SHISA9: variants seen among roughly 807,000 people sequenced by gnomAD.
SHISA9 encodes the protein protein shisa-9.
A neutral mutation model predicts 38.0 loss-of-function variants in SHISA9; 13 were observed. The ratio of observed to expected loss-of-function variants is 0.34; its 90% CI spans 0.22 to 0.54. SHISA9 has a LOEUF of 0.54. Among genes scored for constraint, SHISA9 ranks in the 20% least tolerant of loss-of-function variants. The probability of loss-of-function intolerance (pLI) is 0.91; values close to 1 mark genes in which losing one functional copy is unlikely to be tolerated. For synonymous variants in SHISA9, 275 were observed against 242.0 expected (o/e 1.14, Z -1.27); for missense variants, 538 against 575.8 (o/e 0.93, Z 0.67).
chr16:13,456,346 C>T, the SHISA9 span, among the ~76,000 whole-genome samples: 2 of 152,164 alleles, frequency 1.3e-5, no homozygotes, highest in Non-Finnish European at 2.9e-5. Flanking sequence ...GCTGTATTTC[C>T]CCATTATTGC....
At chr16:13,337,251 A>G in the SHISA9 span, among the ~76,000 whole-genome samples, 2 of 151,994 alleles carry the variant, frequency 1.3e-5, no homozygotes, top group Non-Finnish European at 1.5e-5. Context: ...CCAGTGGGAG[A>G]TAATTGAATC....
intron 2 of SHISA9, among the ~76,000 whole-genome samples, chr16:12,974,063 T>G (rs74012204): frequency 4.7e-4 from 71 of 152,262 alleles, no homozygotes; most frequent in African/African-American, 1.6e-3. Context: ...GCCAGGATTC[T>G]TTGGTGGTAA....
intron 2 of SHISA9, among the ~76,000 whole-genome samples, chr16:13,002,637 A>G (rs2072540288): frequency 6.6e-6 from 1 of 151,096 alleles, no homozygotes; most frequent in South Asian, 2.1e-4. Context: ...GGCTCAAGCA[A>G]TTCTCCTGCC....
At chr16:13,483,615 C>T in the SHISA9 span, among the ~76,000 whole-genome samples, 1 of 152,006 alleles carries the variant, frequency 6.6e-6, no homozygotes, top group Non-Finnish European at 1.5e-5. Flanking sequence ...CTTTCCCCAG[C>T]CCTCCTCTCC....
intron 2 of SHISA9, among the ~76,000 whole-genome samples, chr16:13,123,578 T>C (rs887884593): frequency 1.3e-5 from 2 of 152,232 alleles, no homozygotes; most frequent in African/African-American, 4.8e-5. Flanking sequence ...ATTCTATCTT[T>C]GTGAAAACAA....
chr16:13,172,823 C>T (rs1343152330), intron 2 of SHISA9, among the ~76,000 whole-genome samples: 1 of 145,338 alleles, frequency 6.9e-6, no homozygotes, highest in Admixed American at 7.2e-5. Flanking sequence ...TTGTAATGAA[C>T]TGGTGATGAA....
intron 2 of SHISA9, among the ~76,000 whole-genome samples, chr16:13,069,049 C>T (rs1016301621): frequency 3.3e-5 from 5 of 149,386 alleles, no homozygotes; most frequent in African/African-American, 1.2e-4. Context: ...TGTGTACATG[C>T]AATGTGTATA....
intron 2 of SHISA9, among the ~76,000 whole-genome samples, chr16:13,082,715 G>A (rs891597655): frequency 6.6e-6 from 1 of 152,138 alleles, no homozygotes; most frequent in East Asian, 1.9e-4. Flanking sequence ...AAAGGAATGG[G>A]GAGAATGGAT....
chr16:13,371,603 C>A, the SHISA9 span, among the ~76,000 whole-genome samples: 4 of 152,274 alleles, frequency 2.6e-5, no homozygotes, highest in African/African-American at 9.6e-5. Flanking sequence ...TGAAACACTC[C>A]TAAGGAAGTT....
At chr16:12,977,910 C>G (rs1232015453) in intron 2 of SHISA9, among the ~76,000 whole-genome samples, 1 of 151,970 alleles carries the variant, frequency 6.6e-6, no homozygotes, top group Non-Finnish European at 1.5e-5. Context: ...GTACAGCAAA[C>G]CACCATGACA....
the SHISA9 span, among the ~76,000 whole-genome samples, chr16:13,358,064 A>G: frequency 6.6e-6 from 1 of 152,128 alleles, no homozygotes; most frequent in Admixed American, 6.5e-5. Flanking sequence ...GCCTGACAGT[A>G]TGCCTCTGTG....
chr16:13,260,741 C>T, the SHISA9 span, among the ~76,000 whole-genome samples: 1,428 of 152,262 alleles, frequency 9.4e-3, 21 homozygotes, highest in African/African-American at 0.032. Context: ...CCTGTTACTC[C>T]GTTCCAAAGT....
chr16:13,100,562 G>A (rs2141956699), intron 2 of SHISA9, among the ~76,000 whole-genome samples: 1 of 152,236 alleles, frequency 6.6e-6, no homozygotes, highest in East Asian at 1.9e-4. Flanking sequence ...CATATTCTGG[G>A]GCTGGCAATG....
the SHISA9 span, among the ~76,000 whole-genome samples, chr16:13,441,865 G>C: frequency 6.6e-6 from 1 of 152,176 alleles, no homozygotes; most frequent in Non-Finnish European, 1.5e-5. Context: ...ACTATGTGTG[G>C]GGCCGTAGCC....
chr16:13,208,217 A>T (rs1028299558), intron 3 of SHISA9, among the ~76,000 whole-genome samples: 1 of 151,986 alleles, frequency 6.6e-6, no homozygotes. Flanking sequence ...AAATAATTCT[A>T]CTCATTCTAG....
chr16:13,388,755 A>G, the SHISA9 span, among the ~76,000 whole-genome samples: 3 of 140,358 alleles, frequency 2.1e-5, no homozygotes, highest in African/African-American at 5.3e-5. Context: ...TCTATCCTCA[A>G]TGGTTTTAGA....
the SHISA9 span, among the ~76,000 whole-genome samples, chr16:13,366,826 T>C: frequency 2.0e-5 from 3 of 151,756 alleles, no homozygotes; most frequent in African/African-American, 7.3e-5. Context: ...CTACTAAAAA[T>C]ACAAAAATTA....
the SHISA9 span, among the ~76,000 whole-genome samples, chr16:13,408,645 G>A: frequency 1.4e-3 from 211 of 152,222 alleles, no homozygotes; most frequent in African/African-American, 4.8e-3. Context: ...GCTCTAATGA[G>A]CTTGTTTCAT....
chr16:13,397,057 A>T, the SHISA9 span, among the ~76,000 whole-genome samples: 1 of 152,218 alleles, frequency 6.6e-6, no homozygotes, highest in Non-Finnish European at 1.5e-5. Flanking sequence ...ACTTCCACTT[A>T]TTAAACAGTA....
Sources: gnomAD v4.1 joint callset for allele counts (sites outside exome capture counted in the v4.1 genomes callset) on GRCh38, gnomAD v4.1.1 for gene constraint, MANE v1.5 for transcripts, NCBI Gene and HGNC (gene_info 2026-07-23, HGNC 2026-07-21) for gene names.